Variants in SEZ6L observed in about 807,000 individuals in gnomAD.
The protein encoded by SEZ6L is seizure 6-like protein.
SEZ6L carries 37 observed loss-of-function variants against 106.2 expected under a neutral mutation model. The observed-to-expected ratio is 0.35, with a 90% confidence interval of 0.27 to 0.46. SEZ6L has a LOEUF of 0.46. Ranked by LOEUF, SEZ6L falls within the 20% of genes least tolerant of loss-of-function variation. The probability of loss-of-function intolerance (pLI) is 1.00; values close to 1 mark genes in which losing one functional copy is unlikely to be tolerated. For synonymous variants in SEZ6L, 541 were observed against 570.4 expected (o/e 0.95, Z 0.73); for missense variants, 1,172 against 1,332.8 (o/e 0.88, Z 1.88).
intron 1 of SEZ6L, among the ~76,000 whole-genome samples, chr22:26,198,696 C>G (rs947329812): frequency 6.6e-6 from 1 of 152,224 alleles, no homozygotes; most frequent in Non-Finnish European, 1.5e-5. Context: ...TAGCAATAGA[C>G]AGAATGGCCA....
At chr22:26,333,355 A>G (rs1441657770) in intron 9 of SEZ6L, among the ~76,000 whole-genome samples, 1 of 152,230 alleles carries the variant, frequency 6.6e-6, no homozygotes, top group Non-Finnish European at 1.5e-5. Context: ...GCCAACAAGA[A>G]GCCCTAGAGG....
chr22:26,190,543 G>T (rs147119378), intron 1 of SEZ6L, among the ~76,000 whole-genome samples: 2 of 152,270 alleles, frequency 1.3e-5, no homozygotes, highest in South Asian at 4.1e-4. Context: ...CTGTGTCTCA[G>T]TTTTCTCATC....
chr22:26,350,688 G>A (rs938353949), intron 11 of SEZ6L, among the ~76,000 whole-genome samples: 17 of 131,646 alleles, frequency 1.3e-4, no homozygotes, highest in African/African-American at 4.1e-4. Flanking sequence ...ATGGAGTCTC[G>A]CTCTGTCGCC....
intron 1 of SEZ6L, among the ~76,000 whole-genome samples, chr22:26,270,946 GAAGCAATCCCCATTC>G (rs2080345334): frequency 6.6e-6 from 1 of 152,208 alleles, no homozygotes; most frequent in African/African-American, 2.4e-5. Flanking sequence ...GAAGCTGTGA[GAAGCAATCCCCATTC>G]AAGGGCGTAA....
chr22:26,219,276 C>G lies in SEZ6L; in HGVS notation c.94+49513C>G, dbSNP rs573636140. On this transcript the variant is annotated intron_variant, in intron 1 of 16. Transcript: ENST00000248933. ...CAAGTTTTTTTTTTTTTTTTCGCTC[C>G]TGGCAAATATCAGTAGGAAAGCAGG... Among the ~76,000 whole-genome samples, 78 of 96,944 alleles carry G rather than the reference C, an allele frequency of 8.0e-4. 1 individual carries two copies. The highest frequency in any genetic ancestry group is 1.5e-3 in the Admixed American group (14 of 9,156). The allele number at this position is 96,944 out of a possible 152,430, so 63.6% of individuals were successfully genotyped here. A position where few individuals can be genotyped will look rare whatever the true frequency, so the allele number is the denominator to read the frequency against.
chr22:26,292,148 G>A (rs1316893541), intron 1 of SEZ6L: 3 of 405,046 alleles, frequency 7.4e-6, no homozygotes, highest in Admixed American at 4.1e-5. Context: ...AAGAAAGAAA[G>A]GAAGGAAGGA....
chr22:26,354,206 G>C (rs1274885599), intron 12 of SEZ6L, among the ~76,000 whole-genome samples: 1 of 152,216 alleles, frequency 6.6e-6, no homozygotes, highest in Non-Finnish European at 1.5e-5. Flanking sequence ...AATCTTTGCA[G>C]ATGTGGTCAA....
At chr22:26,230,221 C>T (rs1048385584) in intron 1 of SEZ6L, among the ~76,000 whole-genome samples, 11 of 152,026 alleles carry the variant, frequency 7.2e-5, no homozygotes, top group South Asian at 2.1e-4. Context: ...GCTAGCAGGG[C>T]CATGAGAACC....
intron 4 of SEZ6L, 80 bp downstream of exon 4, chr22:26,297,160 TGCCAGGG>T: frequency 1.6e-6 from 2 of 1,218,526 alleles, no homozygotes; most frequent in South Asian, 3.5e-5. Context: ...AAACTTTTTG[TGCCAGGG>T]ACCTCTCTGA....
At chr22:26,363,876 T>G (rs1172280214) in intron 12 of SEZ6L, among the ~76,000 whole-genome samples, 1 of 152,180 alleles carries the variant, frequency 6.6e-6, no homozygotes, top group Non-Finnish European at 1.5e-5. Context: ...AGATGAACCT[T>G]GAGGACATTA....
intron 1 of SEZ6L, among the ~76,000 whole-genome samples, chr22:26,180,932 G>C (rs1939346397): frequency 6.6e-6 from 1 of 152,186 alleles, no homozygotes; most frequent in Admixed American, 6.5e-5. Context: ...CATTCTGAAT[G>C]GGGGACTCAG....
chr22:26,371,034 G>T (rs1472144859), intron 13 of SEZ6L, among the ~76,000 whole-genome samples: 1 of 149,054 alleles, frequency 6.7e-6, no homozygotes, highest in Non-Finnish European at 1.5e-5. Flanking sequence ...AGGGAGGGAG[G>T]TTCATATCAT....
intron 1 of SEZ6L, among the ~76,000 whole-genome samples, chr22:26,188,719 A>C (rs564203147): frequency 1.2e-4 from 19 of 152,284 alleles, no homozygotes; most frequent in Admixed American, 1.0e-3. Flanking sequence ...TCTGCAACGA[A>C]GGATGTGCAG....
chr22:26,370,123 C>A (rs595915), intron 13 of SEZ6L, among the ~76,000 whole-genome samples: 22,323 of 152,158 alleles, frequency 0.15, 1,784 homozygotes, highest in Middle Eastern at 0.18. Flanking sequence ...TGGCTCACGC[C>A]TGTAATCCCA....
chr22:26,227,840 C>T (rs918531187), intron 1 of SEZ6L, among the ~76,000 whole-genome samples: 3 of 152,206 alleles, frequency 2.0e-5, no homozygotes, highest in Non-Finnish European at 1.5e-5. Context: ...GCAGAGTGGC[C>T]TCTGCCCTCC....
At chr22:26,242,391 C>T (rs1170546682) in intron 1 of SEZ6L, among the ~76,000 whole-genome samples, 2 of 152,230 alleles carry the variant, frequency 1.3e-5, no homozygotes, top group African/African-American at 4.8e-5. Context: ...AACCTCTCTA[C>T]CTCTCTGAGT....
intron 1 of SEZ6L, among the ~76,000 whole-genome samples, chr22:26,267,629 T>C (rs1303501272): frequency 6.6e-6 from 1 of 152,242 alleles, no homozygotes; most frequent in African/African-American, 2.4e-5. Context: ...GCAGGATTTG[T>C]CAGAGCCTCT....
At chr22:26,373,372 T>A (rs1284994963) in intron 13 of SEZ6L, 79 bp from the exon 14 acceptor site, 1 of 1,259,602 alleles carries the variant, frequency 7.9e-7, no homozygotes, top group Admixed American at 2.2e-5. Flanking sequence ...GGCTTTTGCA[T>A]CAAATTTTTT....
chr22:26,281,408 T>A (rs964475762), intron 1 of SEZ6L, among the ~76,000 whole-genome samples: 2 of 144,688 alleles, frequency 1.4e-5, no homozygotes, highest in African/African-American at 5.2e-5. Context: ...GGAGTCTCAC[T>A]CTGCCGCCCA....
Sources: gnomAD v4.1 joint callset for allele counts (sites outside exome capture counted in the v4.1 genomes callset) on GRCh38, gnomAD v4.1.1 for gene constraint, MANE v1.5 for transcripts, NCBI Gene and HGNC (gene_info 2026-07-23, HGNC 2026-07-21) for gene names.